NAV3: variants seen among roughly 807,000 people sequenced by gnomAD.
NAV3 encodes neuron navigator 3, also known as pore membrane and/or filament interacting like protein 1.
In NAV3, 87 loss-of-function variants were observed where a neutral mutation model predicts 244.7. The ratio of observed to expected loss-of-function variants is 0.36; its 90% CI spans 0.30 to 0.42. NAV3 has a LOEUF of 0.42. Among genes scored for constraint, NAV3 ranks in the 20% least tolerant of loss-of-function variants. NAV3 has a pLI of 1.00. For missense variants in NAV3, 2,663 were observed against 2,893.3 expected, an observed-to-expected ratio of 0.92 and a Z score of 1.83; for synonymous variants, 1,126 against 1,042.2, an observed-to-expected ratio of 1.08 and a Z score of -1.55.
intron 2 of NAV3, among the ~76,000 whole-genome samples, chr12:77,663,727 G>T (rs891647332): frequency 6.6e-6 from 1 of 152,082 alleles, no homozygotes; most frequent in African/African-American, 2.4e-5. Flanking sequence ...CTCCATGTTG[G>T]TCAGGCTGGT....
At chr12:78,047,262 C>T (rs533375265) in intron 9 of NAV3, among the ~76,000 whole-genome samples, 2 of 152,064 alleles carry the variant, frequency 1.3e-5, no homozygotes, top group African/African-American at 4.8e-5. Context: ...CCGAGGCAGG[C>T]GGATCATGAG....
intron 2 of NAV3, among the ~76,000 whole-genome samples, chr12:77,581,183 C>T (rs1447401467): frequency 6.6e-6 from 1 of 152,158 alleles, no homozygotes; most frequent in Non-Finnish European, 1.5e-5. Flanking sequence ...GAATTTTCAA[C>T]AACTTAGAAA....
intron 2 of NAV3, among the ~76,000 whole-genome samples, chr12:77,719,193 T>C (rs567438931): frequency 6.6e-6 from 1 of 152,300 alleles, no homozygotes; most frequent in South Asian, 2.1e-4. Context: ...ACTAAATTTG[T>C]TTTTTCTAAC....
At chr12:77,755,175 A>G (rs1250313940) in intron 2 of NAV3, among the ~76,000 whole-genome samples, 1 of 152,012 alleles carries the variant, frequency 6.6e-6, no homozygotes, top group Admixed American at 6.6e-5. Flanking sequence ...TCCTGAAACC[A>G]CTTATGCTTA....
In NAV3 at chr12:77,633,303, A is replaced by G. The variant is rs184563582; in HGVS notation, c.72+61037A>G. On this transcript the variant is annotated intron_variant, in intron 2 of 8. Transcript: ENST00000550042. ...TCAAAGATTAATCATCATTACCATAATTAGACTCTTAAACACTTAGTGTTT... is the reference window on the plus strand; with the variant it reads ...TCAAAGATTAATCATCATTACCATAGTTAGACTCTTAAACACTTAGTGTTT... 7.9e-5 allele frequency among the ~76,000 whole-genome samples: 12 copies of G among 152,234 alleles called. No homozygotes were observed. The East Asian group carries it at 1.4e-3, about 17-fold the overall frequency.
chr12:78,099,449 G>A (rs1182050759), intron 12 of NAV3, among the ~76,000 whole-genome samples: 1 of 151,676 alleles, frequency 6.6e-6, no homozygotes, highest in Admixed American at 6.6e-5. Flanking sequence ...ACTTCTGGGT[G>A]GGAATACAGA....
chr12:77,658,545 A>G (rs1240979733), intron 2 of NAV3, among the ~76,000 whole-genome samples: 1 of 151,746 alleles, frequency 6.6e-6, no homozygotes, highest in Admixed American at 6.6e-5. Flanking sequence ...AAGGTAATGT[A>G]TAGATTCAAT....
intron 2 of NAV3, among the ~76,000 whole-genome samples, chr12:77,634,786 A>G (rs969548634): frequency 2.6e-5 from 4 of 152,138 alleles, no homozygotes; most frequent in Non-Finnish European, 4.4e-5. Context: ...AAAATGTATT[A>G]TCTATATGAC....
Position 77,655,967 on chromosome 12 carries a change from T to C in NAV3, c.72+83701T>C, listed in dbSNP as rs903429747. On this transcript the variant is annotated intron_variant, in intron 2 of 8. Transcript: ENST00000550042. ...GAGCTCCTGAAGGAAGCACTGAACA[T>C]GGAAAGGAACAAACAGTACCAGCTG... Among the ~76,000 whole-genome samples, 34 of 142,426 alleles carry C rather than the reference T, an allele frequency of 2.4e-4. 3 individuals carry two copies. The highest frequency in any genetic ancestry group is 7.5e-5 in the Non-Finnish European group (5 of 66,826). 93.4% of individuals were successfully genotyped at this position (142,426 alleles called of 152,430 possible).
At chr12:77,716,451 G>T (rs1469149560) in intron 2 of NAV3, among the ~76,000 whole-genome samples, 5 of 151,524 alleles carry the variant, frequency 3.3e-5, no homozygotes, top group African/African-American at 1.2e-4. Context: ...AGAGTATATT[G>T]TACAAAAATC....
chr12:77,902,417 G>C (rs1419645226), intron 1 of NAV3, among the ~76,000 whole-genome samples: 1 of 152,206 alleles, frequency 6.6e-6, no homozygotes, highest in Non-Finnish European at 1.5e-5. Context: ...TTTATTGAGA[G>C]TTTTCAGCAT....
intron 2 of NAV3, among the ~76,000 whole-genome samples, chr12:77,816,331 A>G (rs1235217541): frequency 1.3e-5 from 2 of 152,184 alleles, no homozygotes; most frequent in Non-Finnish European, 2.9e-5. Context: ...TTTTAGAGAG[A>G]GGAACACTTG....
At chr12:77,959,912 C>CAAAAAAAAAAAAA (rs57550714) in intron 3 of NAV3, among the ~76,000 whole-genome samples, 2 of 64,686 alleles carry the variant, frequency 3.1e-5, no homozygotes, top group Non-Finnish European at 5.3e-5. Flanking sequence ...CCTGACCCGA[C>CAAAAAAAAAAAAA]AAAAAAAAAA....
chr12:78,098,059 A>T (rs1266276145), intron 12 of NAV3, among the ~76,000 whole-genome samples: 1 of 152,116 alleles, frequency 6.6e-6, no homozygotes, highest in Non-Finnish European at 1.5e-5. Flanking sequence ...AAAAGTGAAG[A>T]TTACACATTT....
chr12:77,780,149 G>A (rs775435336), intron 2 of NAV3, among the ~76,000 whole-genome samples: 4 of 152,258 alleles, frequency 2.6e-5, no homozygotes, highest in East Asian at 3.9e-4. Flanking sequence ...CGAGGCGCAC[G>A]GGTGAGCAGA....
chr12:77,888,547 C>T (rs1883565295), intron 1 of NAV3, among the ~76,000 whole-genome samples: 1 of 152,018 alleles, frequency 6.6e-6, no homozygotes, highest in South Asian at 2.1e-4. Context: ...TTTTGAAATA[C>T]TTTATCTTAA....
In NAV3 at chr12:77,831,242, A is replaced by AGAGAGAGAGAGAGAGAGAG; in HGVS notation, c.-220_-219insGAGAGAGAGAGAGAGAGAG. Reference sequence around the variant, plus strand: ...GAAAGAGAGAGAGAGAGAGAATGAGAATGAATATGAATCCCAGCCAGCAAG... The same window carrying AGAGAGAGAGAGAGAGAGAG: ...GAAAGAGAGAGAGAGAGAGAATGAGAGAGAGAGAGAGAGAGAGAGATGAATATGAATCCCAGCCAGCAAG... On this transcript the variant is annotated 5_prime_UTR_variant, in exon 1 of 40. An upstream open reading frame in the 5' UTR loses its in-frame stop. Transcript: ENST00000397909. 1 of 449,746 alleles carries AGAGAGAGAGAGAGAGAGAG rather than the reference A, an allele frequency of 2.2e-6. No homozygotes were observed. The allele number at this position is 449,746 out of a possible 1,614,324, so 27.9% of individuals were successfully genotyped here.
At chr12:77,903,048 C>T (rs1372996650) in intron 1 of NAV3, among the ~76,000 whole-genome samples, 5 of 152,088 alleles carry the variant, frequency 3.3e-5, no homozygotes, top group Admixed American at 1.3e-4. Context: ...GAATCAATAT[C>T]GTGAAAATGG....
chr12:77,834,415 G>A (rs973584172), intron 1 of NAV3, among the ~76,000 whole-genome samples: 2 of 152,124 alleles, frequency 1.3e-5, no homozygotes, highest in Non-Finnish European at 2.9e-5. Context: ...GTAAAAAGCA[G>A]GGAAACATAA....
Sources: allele counts gnomAD v4.1 joint callset (sites outside exome capture counted in the v4.1 genomes callset), GRCh38; gene constraint gnomAD v4.1.1; transcripts MANE v1.5; gene names NCBI Gene and HGNC (gene_info 2026-07-23, HGNC 2026-07-21).